The following NACAD variants were observed in gnomAD, a reference collection of about 807,000 sequenced individuals.
The protein encoded by NACAD is NAC alpha domain containing, also known as NAC-alpha domain-containing protein 1.
A neutral mutation model predicts 98.9 loss-of-function variants in NACAD; 47 were observed. That is an observed-to-expected ratio of 0.48 (90% CI 0.38 to 0.61). The LOEUF is 0.61. Ranked by LOEUF, NACAD falls within the 20% of genes least tolerant of loss-of-function variation. The pLI is 0.00. For missense variants in NACAD, 1,412 were observed against 1,748.2 expected (o/e 0.81, Z 3.43); for synonymous variants, 696 against 767.2 (o/e 0.91, Z 1.53).
In NACAD at chr7:45,088,735, TG is replaced by T; in HGVS notation, c.67+92del. 5.2e-6 allele frequency: 4 copies of T among 774,286 alleles called. No homozygotes were observed. The highest frequency in any genetic ancestry group is 6.4e-6 in the Non-Finnish European group (4 of 627,948). 48.0% of individuals were successfully genotyped at this position (774,286 alleles called of 1,614,324 possible). ...GGGGACTCGAGGGGGGCCAGGGGGA[TG>T]GGGGAGAGGGGTGAAAGGTGAGCGA... On this transcript the variant is annotated intron_variant, in intron 1 of 7. Coordinates refer to ENST00000490531, the MANE Select transcript of NACAD (RefSeq NM_001146334.2). This position sits in a 1 kb window ranked among gnomAD's most constrained non-coding sequence, Gnocchi z 5.7.
chr7:45,081,430 T>G, intron 4 of NACAD, 167 bp from the exon 5 acceptor site: 2 of 1,246,354 alleles, frequency 1.6e-6, no homozygotes, highest in Admixed American at 2.4e-5. Flanking sequence ...GGCCTTCTCA[T>G]GACATTCCAG....
At position 45,081,201 on chromosome 7, in the gene NACAD, G is replaced by A. The variant is rs1191469973; in HGVS notation, c.4320C>T (p.Ser1440=). Residue 1440 remains serine (S), a synonymous_variant, in exon 5 of 8, where the codon TCC becomes TCT. Transcript: ENST00000490531. ...TGGCGATGACAAAGAGGATGTTCTT[G>A]GACTTCTGGATGGTGATCCTGGTGA... is the stretch of plus-strand genomic sequence containing the variant. ...QGVTRITIQK[S]KNILFVIAKP... 1 of 1,551,514 alleles carries A rather than the reference G, an allele frequency of 6.4e-7. No homozygotes were observed. The highest frequency in any genetic ancestry group is 8.7e-7 in the Non-Finnish European group (1 of 1,146,998).
Position 45,081,152 on chromosome 7 carries a change from C to A in NACAD, c.4369G>T (p.Ala1457Ser), listed in dbSNP as rs754059784. Residue 1457 changes from alanine (A) to serine (S), a missense_variant, in exon 5 of 8, where the codon GCC becomes TCC. This residue lies in a region of NACAD where 42 missense variants were observed against 82.5 expected (regional missense o/e 0.51). Transcript: ENST00000490531. ...CCAAAGACCACATAAGTGTCTGAGG[C>A]TGGGCTCTTGAAGACATCAGGCTTG... ...IAKPDVFKSP[A>S]SDTYVVFGEA... 3 of 1,551,426 alleles carry A rather than the reference C, an allele frequency of 1.9e-6. No individual in the cohort carries two copies. The South Asian group carries it at 3.6e-5, about 18-fold the overall frequency.
In NACAD at chr7:45,084,531, T is replaced by A. The variant is rs748996843; in HGVS notation, c.1649A>T (p.Gln550Leu). ...ACACAATGTGAGGCTTGTTTCTTCCTGTGGAGTTGGAAGTTTTTCTGCAGT... is the reference window on the plus strand; with the variant it reads ...ACACAATGTGAGGCTTGTTTCTTCCAGTGGAGTTGGAAGTTTTTCTGCAGT... ...SVTAEKLPTP[Q>L]EETSLTLCPD... is the part of the protein sequence containing the mutation. Residue 550 changes from glutamine (Q) to leucine (L), a missense_variant, in exon 2 of 8, where the codon CAG becomes CTG. Around this residue, in one of 5 missense-constraint regions of NACAD, gnomAD observed 638 missense variants for 722.7 expected, o/e 0.88. Transcript: ENST00000490531. 1.3e-6 allele frequency: 2 copies of A among 1,552,290 alleles called. No individual in the cohort carries two copies. The highest frequency in any genetic ancestry group is 8.7e-7 in the Non-Finnish European group (1 of 1,147,116).
rs1054186493 is a variant in NACAD, at chr7:45,088,873, C to T, written c.22G>A (p.Ala8Thr). The stretch of plus-strand genomic sequence containing the variant: ...TCCGCCTCGGGCAGCAGCAGCTCGG[C>T]GCGGGCAGCCTCCCCAGGCATGGCC... The part of the protein sequence containing the change: MPGEAAR[A>T]ELLLPEADRP... The change falls in exon 1 of 8, where the codon GCC (alanine) becomes ACC (threonine). Residue 8 changes from alanine to threonine, a missense_variant. By Grantham distance (58) the Ala-to-Thr change is moderately conservative. Coordinates refer to ENST00000490531, the MANE Select transcript of NACAD (RefSeq NM_001146334.2). The surrounding 1 kb of genome is among the most constrained non-coding windows in gnomAD (Gnocchi z 5.7). 2.7e-6 allele frequency: 4 copies of T among 1,484,968 alleles called. No homozygotes were observed. The African/African-American group carries it at 4.3e-5, about 16-fold the overall frequency. The allele number at this position is 1,484,968 out of a possible 1,614,324, so 92.0% of individuals were successfully genotyped here. A position where few individuals can be genotyped will look rare whatever the true frequency, so the allele number is the denominator to read the frequency against.
Position 45,082,660 on chromosome 7 carries a change from T to C in NACAD, c.3520A>G (p.Thr1174Ala), listed in dbSNP as rs1027932638. 9.9e-5 allele frequency: 149 copies of C among 1,508,344 alleles called. No individual in the cohort carries two copies. The highest frequency in any genetic ancestry group is 1.7e-4 in the Admixed American group (8 of 46,616). 93.4% of individuals were successfully genotyped at this position (1,508,344 alleles called of 1,614,324 possible). Residue 1174 changes from threonine (T) to alanine (A), a missense_variant, in exon 2 of 8, where the codon ACG becomes GCG. By Grantham distance (58) the Thr-to-Ala change is moderately conservative. This residue lies in a region of NACAD where 572 missense variants were observed against 639.6 expected (regional missense o/e 0.89). Coordinates refer to ENST00000490531, the MANE Select transcript of NACAD (RefSeq NM_001146334.2). This position sits in a 1 kb window ranked among gnomAD's most constrained non-coding sequence, Gnocchi z 4.5. ...DRGCPDAPAP[T>A]SAPTSQQPEP... ...GGCTGCTGGGAGGTTGGTGCAGACG[T>C]GGGGGCAGGCGCGTCAGGGCAGCCT...
rs1404598049 is a variant in NACAD, at chr7:45,081,159, C to T, written c.4362G>A (p.Lys1454=). 6.4e-7 allele frequency: 1 copy of T among 1,551,550 alleles called. No homozygotes were observed. The highest frequency in any genetic ancestry group is 2.0e-5 in the Admixed American group (1 of 51,008). ...CCACATAAGTGTCTGAGGCTGGGCT[C>T]TTGAAGACATCAGGCTTGGCGATGA... ...LFVIAKPDVF[K]SPASDTYVVF... Residue 1454 remains lysine (K), a synonymous_variant, in exon 5 of 8, where the codon AAG becomes AAA. Transcript: ENST00000490531.
Position 45,082,330 on chromosome 7 carries a change from C to A in NACAD, c.3850G>T (p.Val1284Phe). ...QAGVQPAAAA[V>F]SGTTQPLGTG... Reference sequence around the variant, plus strand: ...CCCAGAGGCTGTGTGGTTCCTGAGACAGCAGCAGCGGCAGGCTGGACTCCT... The same window carrying A: ...CCCAGAGGCTGTGTGGTTCCTGAGAAAGCAGCAGCGGCAGGCTGGACTCCT... Residue 1284 changes from valine (V) to phenylalanine (F), a missense_variant, in exon 2 of 8, where the codon GTC (valine) becomes TTC (phenylalanine). Physicochemically the swap from Val to Phe is conservative, Grantham distance 50 (BLOSUM62 -1). This residue lies in a region of NACAD where 572 missense variants were observed against 639.6 expected (regional missense o/e 0.89). Transcript: ENST00000490531. The surrounding 1 kb of genome is among the most constrained non-coding windows in gnomAD (Gnocchi z 4.5). The A allele has an allele frequency of 7.7e-6, 12 of 1,550,540 alleles. No individual in the cohort carries two copies. Among genetic ancestry groups the A allele is most frequent in the Non-Finnish European group, 1.0e-5 (12 of 1,146,964 alleles).
intron 1 of NACAD, among the ~76,000 whole-genome samples, chr7:45,086,392 C>T (rs1784523376): frequency 6.6e-6 from 1 of 152,144 alleles, no homozygotes. Flanking sequence ...CTCAAGGACA[C>T]CTCAGCAAAG....
chr7:45,080,840 C>T, intron 6 of NACAD, 36 bp downstream of exon 6: 1 of 1,550,190 alleles, frequency 6.5e-7, no homozygotes, highest in East Asian at 2.4e-5. Flanking sequence ...CGCCTCCCAC[C>T]ACCCCCTGCG....
In NACAD at chr7:45,082,801, T is replaced by C. The variant is rs1377053820; in HGVS notation, c.3379A>G (p.Arg1127Gly). ...GGGGTGGACTTGCCACTCAGGCCTC[T>C]TTCCTCCCTGGCTGGGCTCAGGAGC... ...ARLLSPAREE[R>G]GLSGKSTPEP... The change falls in exon 2 of 8, where the codon AGA becomes GGA. Residue 1127 changes from arginine to glycine, a missense_variant. This residue lies in a region of NACAD where 572 missense variants were observed against 639.6 expected (regional missense o/e 0.89). Coordinates refer to ENST00000490531, the MANE Select transcript of NACAD (RefSeq NM_001146334.2). This position sits in a 1 kb window ranked among gnomAD's most constrained non-coding sequence, Gnocchi z 4.5. 2 of 1,549,810 alleles carry C rather than the reference T, an allele frequency of 1.3e-6. No individual in the cohort carries two copies. The highest frequency in any genetic ancestry group is 3.9e-5 in the Admixed American group (2 of 50,944).
chr7:45,082,266 A>G lies in NACAD; in HGVS notation c.3914T>C (p.Leu1305Pro). 1 of 1,550,496 alleles carries G rather than the reference A, an allele frequency of 6.4e-7. No homozygotes were observed. Among genetic ancestry groups the G allele is most frequent in the Non-Finnish European group, 8.7e-7 (1 of 1,146,870 alleles). ...PRVSLSPHSPLLSPKVASMDA... is the reference protein window; with the variant it reads ...PRVSLSPHSPPLSPKVASMDA... ...CATGGAGGCCACCTTGGGGCTGAGG[A>G]GTGGGGAGTGAGGCGAGAGGCTGAC... Residue 1305 changes from leucine (L) to proline (P), a missense_variant, in exon 2 of 8, where the codon CTC (leucine) becomes CCC (proline). This residue lies in a region of NACAD where 572 missense variants were observed against 639.6 expected (regional missense o/e 0.89). Coordinates refer to ENST00000490531, the MANE Select transcript of NACAD (RefSeq NM_001146334.2). The surrounding 1 kb of genome is among the most constrained non-coding windows in gnomAD (Gnocchi z 4.5).
chr7:45,088,698 G>T lies in NACAD; in HGVS notation c.67+130C>A, dbSNP rs1584015790. On this transcript the variant is annotated intron_variant, in intron 1 of 7. Coordinates refer to ENST00000490531, the MANE Select transcript of NACAD (RefSeq NM_001146334.2). The surrounding 1 kb of genome is among the most constrained non-coding windows in gnomAD (Gnocchi z 5.7). The stretch of plus-strand genomic sequence containing the variant: ...GTTCAGATGGAGGGAAGGACAGGGC[G>T]CGGAAAGGGGAGGGGACTCGAGGGG... The T allele has an allele frequency of 3.1e-6, 2 of 644,102 alleles. No homozygotes were observed. Among genetic ancestry groups the T allele is most frequent in the East Asian group, 3.5e-5 (1 of 28,778 alleles). The allele number at this position is 644,102 out of a possible 1,614,324, so 39.9% of individuals were successfully genotyped here.
chr7:45,081,108 CACCCAG>C lies in NACAD; in HGVS notation c.4404+3_4404+8del. Reference sequence around the variant, plus strand: ...GGATCCCCCATTCCACCACAGCCGCCACCCAGACCTTGGCCTCGCCAAAGACCACAT... The same window carrying C: ...GGATCCCCCATTCCACCACAGCCGCCACCTTGGCCTCGCCAAAGACCACAT... On this transcript the variant is annotated splice_donor_5th_base_variant and intron_variant, in intron 5 of 7. Coordinates refer to ENST00000490531, the MANE Select transcript of NACAD (RefSeq NM_001146334.2). The C allele has an allele frequency of 1.9e-6, 3 of 1,551,446 alleles. No individual in the cohort carries two copies. Among genetic ancestry groups the C allele is most frequent in the Non-Finnish European group, 2.6e-6 (3 of 1,146,970 alleles).
intron 7 of NACAD, 45 bp downstream of exon 7, chr7:45,080,595 T>C: frequency 1.3e-6 from 2 of 1,551,470 alleles, no homozygotes; most frequent in Non-Finnish European, 1.7e-6. Flanking sequence ...CTCGAGGCCC[T>C]TGGGGACAGC....
In NACAD at chr7:45,083,256, G is replaced by C; in HGVS notation, c.2924C>G (p.Pro975Arg). 6.4e-7 allele frequency: 1 copy of C among 1,550,990 alleles called. No individual in the cohort carries two copies. The highest frequency in any genetic ancestry group is 8.7e-7 in the Non-Finnish European group (1 of 1,147,000). ...AQQEVGEALG[P>R]RPAPEEKNAA... is the part of the protein sequence containing the mutation. Reference sequence around the variant, plus strand: ...ATTCTTCTCCTCAGGTGCTGGCCTGGGGCCTAAGGCCTCACCTACTTCCTG... The same window carrying C: ...ATTCTTCTCCTCAGGTGCTGGCCTGCGGCCTAAGGCCTCACCTACTTCCTG... The change falls in exon 2 of 8, where the codon CCC becomes CGC. Residue 975 changes from proline to arginine, a missense_variant. Pro to Arg is a moderately radical substitution (Grantham distance 103). Around this residue, in one of 5 missense-constraint regions of NACAD, gnomAD observed 572 missense variants for 639.6 expected, o/e 0.89. Coordinates refer to ENST00000490531, the MANE Select transcript of NACAD (RefSeq NM_001146334.2).
Position 45,085,252 on chromosome 7 carries a change from G to A in NACAD, c.928C>T (p.Leu310Phe), listed in dbSNP as rs780306123. The A allele has an allele frequency of 3.9e-6, 6 of 1,551,322 alleles. No individual in the cohort carries two copies. Among genetic ancestry groups the A allele is most frequent in the Non-Finnish European group, 5.2e-6 (6 of 1,146,982 alleles). ...LANDPMIPAA[L>F]LPFQGSLIFQ... ...ATGAGGCTGCCCTGGAAGGGTAGGA[G>A]GGCTGCGGGGATCATTGGGTCATTG... Residue 310 changes from leucine (L) to phenylalanine (F), a missense_variant, in exon 2 of 8, where the codon CTC becomes TTC. This residue lies in a region of NACAD where 638 missense variants were observed against 722.7 expected (regional missense o/e 0.88). Coordinates refer to ENST00000490531, the MANE Select transcript of NACAD (RefSeq NM_001146334.2). This position sits in a 1 kb window ranked among gnomAD's most constrained non-coding sequence, Gnocchi z 6.1.
rs778072257 is a variant in NACAD, at chr7:45,081,180, G to A, written c.4341C>T (p.Ile1447=). 1.9e-6 allele frequency: 3 copies of A among 1,551,520 alleles called. No homozygotes were observed. The highest frequency in any genetic ancestry group is 1.7e-6 in the Non-Finnish European group (2 of 1,147,008). Residue 1447 remains isoleucine, a synonymous_variant, in exon 5 of 8, where the codon ATC becomes ATT. Transcript: ENST00000490531. ...GGCTCTTGAAGACATCAGGCTTGGCGATGACAAAGAGGATGTTCTTGGACT... is the reference window on the plus strand; with the variant it reads ...GGCTCTTGAAGACATCAGGCTTGGCAATGACAAAGAGGATGTTCTTGGACT... ...IQKSKNILFV[I]AKPDVFKSPA...
rs564116904 is a variant in NACAD at position 45,085,774 on chromosome 7, G to A, written c.406C>T (p.Arg136Trp). ...CQALLSPRAARTALRDQEGGH... is the reference protein window; with the variant it reads ...CQALLSPRAAWTALRDQEGGH... ...CCCTCCTGGTCCCTGAGCGCTGTCC[G>A]GGCAGCTCTGGGTGACAGGAGGGCC... Residue 136 changes from arginine (R) to tryptophan (W), a missense_variant, in exon 2 of 8, where the codon CGG becomes TGG. Transcript: ENST00000490531. The surrounding 1 kb of genome is among the most constrained non-coding windows in gnomAD (Gnocchi z 6.1). 11 of 1,546,588 alleles carry A rather than the reference G, an allele frequency of 7.1e-6. No homozygotes were observed. The highest frequency in any genetic ancestry group is 4.9e-5 in the East Asian group (2 of 40,844).
Sources: allele counts gnomAD v4.1 joint callset (sites outside exome capture counted in the v4.1 genomes callset), GRCh38; gene constraint gnomAD v4.1.1; regional missense constraint gnomAD v4.1.1; non-coding constraint Gnocchi (gnomAD v3.1); transcripts MANE v1.5; gene names NCBI Gene and HGNC (gene_info 2026-07-23, HGNC 2026-07-21).